RARB: variants seen among roughly 807,000 people sequenced by gnomAD.
RARB encodes the protein retinoic acid receptor beta.
RARB carries 17 observed loss-of-function variants against 51.9 expected under a neutral mutation model. That is an observed-to-expected ratio of 0.33 (90% CI 0.22 to 0.49). The LOEUF (loss-of-function observed/expected upper bound fraction) is 0.49. RARB is among the 20% of genes least tolerant of loss of function. RARB has a pLI of 0.99. For synonymous variants in RARB, 215 were observed against 195.4 expected, an observed-to-expected ratio of 1.10 and a Z score of -0.84; for missense variants, 369 against 550.8, an observed-to-expected ratio of 0.67 and a Z score of 3.30.
chr3:24,991,298 C>G (rs1696904121), intron 2 of RARB, among the ~76,000 whole-genome samples: 1 of 152,086 alleles, frequency 6.6e-6, no homozygotes, highest in South Asian at 2.1e-4. Context: ...AAACAATTAG[C>G]CAGGCTTAGT....
intron 5 of RARB, among the ~76,000 whole-genome samples, chr3:25,219,191 G>A (rs115440360): frequency 6.6e-6 from 1 of 152,064 alleles, no homozygotes; most frequent in Non-Finnish European, 1.5e-5. Flanking sequence ...GATAATATCT[G>A]AAGTTTCCTA....
At chr3:25,002,492 C>A (rs538032492) in intron 2 of RARB, among the ~76,000 whole-genome samples, 1 of 152,050 alleles carries the variant, frequency 6.6e-6, no homozygotes. Flanking sequence ...GAGTTTAGTT[C>A]GCTAGGTTTA....
chr3:25,097,223 C>T (rs1336174463), intron 3 of RARB, among the ~76,000 whole-genome samples: 1 of 152,120 alleles, frequency 6.6e-6, no homozygotes, highest in Non-Finnish European at 1.5e-5. Context: ...TTGCGGTGCA[C>T]TGGACCGCTT....
intron 2 of RARB, among the ~76,000 whole-genome samples, chr3:24,905,094 C>A (rs1424851851): frequency 1.3e-5 from 2 of 152,082 alleles, no homozygotes; most frequent in African/African-American, 4.8e-5. Flanking sequence ...ATGTAACAAA[C>A]CTGCACGTTC....
intron 2 of RARB, among the ~76,000 whole-genome samples, chr3:24,876,839 T>C (rs1229269876): frequency 1.3e-5 from 2 of 152,186 alleles, no homozygotes; most frequent in African/African-American, 4.8e-5. Flanking sequence ...TGGCATTTCA[T>C]TTATCAGATA....
At chr3:25,195,174 T>G (rs1701201558) in intron 5 of RARB, among the ~76,000 whole-genome samples, 1 of 151,996 alleles carries the variant, frequency 6.6e-6, no homozygotes, top group South Asian at 2.1e-4. Flanking sequence ...ATCCTCTCTG[T>G]AGGTCTTGTT....
intron 2 of RARB, among the ~76,000 whole-genome samples, chr3:24,876,562 A>C (rs1703046841): frequency 6.6e-6 from 1 of 152,142 alleles, no homozygotes; most frequent in African/African-American, 2.4e-5. Context: ...TTAGCATTTA[A>C]TATTTTAGCT....
At chr3:25,120,095 G>A (rs897751416) in intron 3 of RARB, among the ~76,000 whole-genome samples, 14 of 152,080 alleles carry the variant, frequency 9.2e-5, no homozygotes, top group Admixed American at 5.9e-4. Flanking sequence ...GTGTGCATGG[G>A]TGCAAGGAAA....
chr3:25,490,290 A>G (rs1696666686), intron 2 of RARB, among the ~76,000 whole-genome samples: 1 of 152,176 alleles, frequency 6.6e-6, no homozygotes, highest in East Asian at 1.9e-4. Flanking sequence ...ACAAGCATTT[A>G]TTTTTCTGTA....
chr3:25,119,806 C>T (rs1699750436), intron 3 of RARB, among the ~76,000 whole-genome samples: 1 of 152,032 alleles, frequency 6.6e-6, no homozygotes, highest in Non-Finnish European at 1.5e-5. Flanking sequence ...CTATAAGATG[C>T]CTAGAGCTGG....
At chr3:25,014,163 A>G (rs1254094749) in intron 2 of RARB, among the ~76,000 whole-genome samples, 1 of 151,964 alleles carries the variant, frequency 6.6e-6, no homozygotes, top group African/African-American at 2.4e-5. Flanking sequence ...TTTTTCCCCA[A>G]ACATGTTCTT....
At chr3:25,203,006 C>T (rs193000881) in intron 5 of RARB, among the ~76,000 whole-genome samples, 133 of 152,262 alleles carry the variant, frequency 8.7e-4, no homozygotes, top group African/African-American at 3.2e-3. Flanking sequence ...CTTTCTGTCT[C>T]ATTGATCTGT....
At chr3:25,190,427 G>T (rs575934349) in intron 5 of RARB, among the ~76,000 whole-genome samples, 16 of 152,128 alleles carry the variant, frequency 1.1e-4, no homozygotes, top group Middle Eastern at 3.4e-3. Flanking sequence ...ATATATTTTG[G>T]GTAGAAGTGT....
chr3:25,057,245 A>T (rs76186595), intron 2 of RARB, among the ~76,000 whole-genome samples: 13,954 of 152,056 alleles, frequency 0.092, 668 homozygotes, highest in African/African-American at 0.11. Flanking sequence ...AGGAATAGAA[A>T]CTTAGGATTC....
upstream of RARB, among the ~76,000 whole-genome samples, chr3:25,427,027 T>G (rs1362295722): frequency 2.0e-5 from 3 of 152,224 alleles, no homozygotes; most frequent in Non-Finnish European, 4.4e-5. Flanking sequence ...AATGTAAAAC[T>G]GTCATACTTA....
intron 2 of RARB, among the ~76,000 whole-genome samples, chr3:25,016,194 C>A (rs1292488655): frequency 2.6e-5 from 4 of 152,144 alleles, no homozygotes; most frequent in Non-Finnish European, 5.9e-5. Context: ...GTAGAGCACA[C>A]TGTACTTATA....
chr3:24,991,951 A>G (rs982426691), intron 2 of RARB, among the ~76,000 whole-genome samples: 1 of 152,056 alleles, frequency 6.6e-6, no homozygotes, highest in African/African-American at 2.4e-5. Flanking sequence ...CAAACTGTGC[A>G]GAGGTGTACC....
chr3:25,382,717 G>T (rs576541966), intron 5 of RARB, among the ~76,000 whole-genome samples: 55 of 152,244 alleles, frequency 3.6e-4, no homozygotes, highest in African/African-American at 1.2e-3. Flanking sequence ...AATTAGCCGG[G>T]TGTGGCGGTG....
Position 25,043,628 on chromosome 3 carries a change from C to A in RARB, c.-379-16497C>A, listed in dbSNP as rs184564700. On this transcript the variant is annotated intron_variant, in intron 2 of 11. Transcript: ENST00000383772. ...TCAGGGAGAGAAAAGATAAAGTAGG[C>A]GTTACAGGGTTTTTTTTAAAGGATA... Among the ~76,000 whole-genome samples the A allele has an allele frequency of 7.2e-5, 11 of 152,098 alleles. 1 individual carries two copies. The East Asian group carries it at 2.1e-3, about 29-fold the overall frequency.
Sources: gnomAD v4.1 joint callset for allele counts (sites outside exome capture counted in the v4.1 genomes callset) on GRCh38, gnomAD v4.1.1 for gene constraint, MANE v1.5 for transcripts, NCBI Gene and HGNC (gene_info 2026-07-23, HGNC 2026-07-21) for gene names.